The following TBCD variants were observed in gnomAD, a reference collection of about 807,000 sequenced individuals.
TBCD encodes the protein tubulin folding cofactor D.
Under a neutral mutation model 169.3 loss-of-function variants are expected in TBCD, and 105 were observed. That is an observed-to-expected ratio of 0.62 (90% CI 0.53 to 0.73). The LOEUF is 0.73. TBCD is among the 30% of genes least tolerant of loss of function. The pLI is 0.00. For missense variants in TBCD, 1,444 were observed against 1,600.1 expected (o/e 0.90, Z 1.66); for synonymous variants, 700 against 643.9 (o/e 1.09, Z -1.32).
chr17:82,927,879 GTC>G (rs746407864), intron 29 of TBCD, 24 bp from the exon 30 acceptor site: 2 of 1,608,356 alleles, frequency 1.2e-6, no homozygotes, highest in East Asian at 2.2e-5. Context: ...CAAGCTGGGT[GTC>G]TCTGCCTCTC....
chr17:82,814,960 G>T (rs1042009734), intron 13 of TBCD, 26 bp downstream of exon 13: 1 of 1,609,818 alleles, frequency 6.2e-7, no homozygotes, highest in Non-Finnish European at 8.5e-7. Flanking sequence ...ACGGTCAGGG[G>T]GGATGTCTGG....
chr17:82,843,075 C>T (rs909462451), intron 13 of TBCD, among the ~76,000 whole-genome samples: 3 of 152,068 alleles, frequency 2.0e-5, no homozygotes, highest in Admixed American at 6.6e-5. Context: ...CCACCACACC[C>T]GGCCGCAAGT....
At chr17:82,851,965 G>T (rs1026984903) in intron 13 of TBCD, among the ~76,000 whole-genome samples, 13 of 152,226 alleles carry the variant, frequency 8.5e-5, no homozygotes, top group African/African-American at 3.1e-4. Flanking sequence ...AACGATTACT[G>T]TTGACCCCAT....
chr17:82,905,225 C>T (rs191042049), intron 19 of TBCD, among the ~76,000 whole-genome samples: 9 of 152,348 alleles, frequency 5.9e-5, no homozygotes, highest in African/African-American at 2.2e-4. Flanking sequence ...CTGCCAGGAC[C>T]AGAGGCCACC....
intron 13 of TBCD, chr17:82,830,525 G>A: frequency 6.2e-7 from 1 of 1,614,072 alleles, no homozygotes; most frequent in Non-Finnish European, 8.5e-7. Flanking sequence ...TTGGTCTCAG[G>A]GTGGCTGGGC....
Position 82,835,113 on chromosome 17 carries a change from G to A in TBCD, c.1318+20179G>A, listed in dbSNP as rs921381216. ...ACTTAAGAAAACTGTTTCAACTGCA[G>A]TATTTTTTTTAAGGAATGGGCAGAT... On this transcript the variant is annotated intron_variant, in intron 13 of 38. Coordinates refer to ENST00000355528, the MANE Select transcript of TBCD (RefSeq NM_005993.5). This position sits in a 1 kb window ranked among gnomAD's most constrained non-coding sequence, Gnocchi z 4.5. Among the ~76,000 whole-genome samples, 1 of 152,162 alleles carries A rather than the reference G, an allele frequency of 6.6e-6. No individual in the cohort carries two copies. The highest frequency in any genetic ancestry group is 2.4e-5 in the African/African-American group (1 of 41,440).
intron 15 of TBCD, among the ~76,000 whole-genome samples, chr17:82,887,055 G>A (rs965122586): frequency 2.0e-5 from 3 of 151,656 alleles, no homozygotes; most frequent in South Asian, 2.1e-4. Context: ...TGGCAAAACC[G>A]CAATGGAACA....
chr17:82,786,003 A>G (rs2049294832), intron 7 of TBCD, among the ~76,000 whole-genome samples: 2 of 152,180 alleles, frequency 1.3e-5, no homozygotes, highest in Admixed American at 1.3e-4. Flanking sequence ...CCATGTGGAT[A>G]TGTCCCGCAC....
At chr17:82,861,739 C>T (rs775945417) in intron 13 of TBCD, among the ~76,000 whole-genome samples, 9 of 152,154 alleles carry the variant, frequency 5.9e-5, no homozygotes, top group Admixed American at 5.9e-4. Flanking sequence ...TTTTACGTCT[C>T]TTCTAGGGAG....
chr17:82,933,948 G>A (rs2062420290), intron 34 of TBCD, among the ~76,000 whole-genome samples: 1 of 152,252 alleles, frequency 6.6e-6, no homozygotes, highest in African/African-American at 2.4e-5. Flanking sequence ...TGGACCCAGA[G>A]CTGTGCTGGT....
At position 82,884,051 on chromosome 17, in the gene TBCD, C is replaced by T. The variant is rs1018052226; in HGVS notation, c.1476-94C>T. The T allele has an allele frequency of 4.0e-5, 51 of 1,261,152 alleles. No individual in the cohort carries two copies. Among genetic ancestry groups the T allele is most frequent in the Non-Finnish European group, 5.3e-5 (47 of 889,900 alleles). 78.1% of individuals were successfully genotyped at this position (1,261,152 alleles called of 1,614,324 possible). Reference sequence around the variant, plus strand: ...GGGCATGTCTGAACCTCAAGTGGGCCTGAGTCGTGAGAGAAAGGCTTTCTC... The same window carrying T: ...GGGCATGTCTGAACCTCAAGTGGGCTTGAGTCGTGAGAGAAAGGCTTTCTC... On this transcript the variant is annotated intron_variant, in intron 14 of 38. Coordinates refer to ENST00000355528, the MANE Select transcript of TBCD (RefSeq NM_005993.5). This position sits in a 1 kb window ranked among gnomAD's most constrained non-coding sequence, Gnocchi z 4.2.
At chr17:82,846,347 GC>G in intron 13 of TBCD, among the ~76,000 whole-genome samples, 9 of 151,530 alleles carry the variant, frequency 5.9e-5, no homozygotes, top group Admixed American at 2.0e-4. Context: ...CCAGCCCTCT[GC>G]TGCCCCCTCC....
At chr17:82,941,237 G>A (rs866504783) in intron 37 of TBCD, among the ~76,000 whole-genome samples, 162 bp from the exon 38 acceptor site, 1 of 152,222 alleles carries the variant, frequency 6.6e-6, no homozygotes, top group African/African-American at 2.4e-5. Context: ...GCTGGAGAAC[G>A]TGCTCCTGTG....
At chr17:82,929,037 A>C (rs191410192) in intron 30 of TBCD, 76 bp from the exon 31 acceptor site, 1,376 of 1,524,568 alleles carry the variant, frequency 9.0e-4, no homozygotes, top group Non-Finnish European at 1.1e-3. Context: ...CACGGCTCGG[A>C]CCGCCTGTGC....
At chr17:82,856,904 G>A (rs1219222240) in intron 13 of TBCD, among the ~76,000 whole-genome samples, 1 of 141,404 alleles carries the variant, frequency 7.1e-6, no homozygotes, top group Non-Finnish European at 1.5e-5. Context: ...GGGCGGGATC[G>A]CTGGACCGCG....
intron 14 of TBCD, among the ~76,000 whole-genome samples, chr17:82,881,300 T>A (rs1159245692): frequency 6.6e-6 from 1 of 152,216 alleles, no homozygotes; most frequent in East Asian, 1.9e-4. Flanking sequence ...AGATAAACGC[T>A]TTATCCACTG....
In TBCD at chr17:82,806,188, T is replaced by G. The variant is rs1383735956; in HGVS notation, c.1087+177T>G. ...TGGCTCCTGAACCCAGGCCTGTCCC[T>G]GACCATGGACAGTCTCTTCCTGTGT... is the stretch of plus-strand genomic sequence containing the variant. On this transcript the variant is annotated intron_variant, in intron 10 of 38. Coordinates refer to ENST00000355528, the MANE Select transcript of TBCD (RefSeq NM_005993.5). The surrounding 1 kb of genome is among the most constrained non-coding windows in gnomAD (Gnocchi z 5.1). 6.6e-6 allele frequency among the ~76,000 whole-genome samples: 1 copy of G among 152,164 alleles called. No individual in the cohort carries two copies. Among genetic ancestry groups the G allele is most frequent in the Non-Finnish European group, 1.5e-5 (1 of 68,024 alleles).
At chr17:82,804,877 C>T (rs1434042381) in intron 9 of TBCD, among the ~76,000 whole-genome samples, 1 of 152,232 alleles carries the variant, frequency 6.6e-6, no homozygotes, top group African/African-American at 2.4e-5. Flanking sequence ...AACTGAGTCC[C>T]AGAGGGCTAG....
chr17:82,887,281 G>A (rs1311158501), intron 15 of TBCD, among the ~76,000 whole-genome samples: 1 of 151,974 alleles, frequency 6.6e-6, no homozygotes, highest in Non-Finnish European at 1.5e-5. Context: ...TTCCCGAGAG[G>A]CCTGTGCTAC....
Sources: allele counts gnomAD v4.1 joint callset (sites outside exome capture counted in the v4.1 genomes callset), GRCh38; gene constraint gnomAD v4.1.1; non-coding constraint Gnocchi (gnomAD v3.1); transcripts MANE v1.5; gene names NCBI Gene and HGNC (gene_info 2026-07-23, HGNC 2026-07-21).